Variants in GALNT13 observed in about 807,000 individuals in gnomAD.
GALNT13 encodes polypeptide N-acetylgalactosaminyltransferase 13, also known as UDP-GalNAc:polypeptide N-acetylgalactosaminyltransferase 13.
Under a neutral mutation model 64.2 loss-of-function variants are expected in GALNT13, and 28 were observed. The ratio of observed to expected loss-of-function variants is 0.44; its 90% CI spans 0.32 to 0.60. The LOEUF (loss-of-function observed/expected upper bound fraction) is 0.60. GALNT13 is among the 20% of genes least tolerant of loss of function. GALNT13 has a pLI of 0.05. For synonymous variants in GALNT13, 214 were observed against 224.6 expected (o/e 0.95, Z 0.42); for missense variants, 577 against 669.8 (o/e 0.86, Z 1.53).
chr2:154,440,208 T>G (rs1177795819), intron 12 of GALNT13, among the ~76,000 whole-genome samples: 1 of 152,104 alleles, frequency 6.6e-6, no homozygotes, highest in Non-Finnish European at 1.5e-5. Flanking sequence ...AATAAGAAAA[T>G]CTAGAATATA....
the GALNT13 span, among the ~76,000 whole-genome samples, chr2:153,121,139 A>G: frequency 6.6e-6 from 1 of 152,212 alleles, no homozygotes; most frequent in Non-Finnish European, 1.5e-5. Context: ...TAGCATTAGA[A>G]GAGTTTCATT....
intron 3 of GALNT13, among the ~76,000 whole-genome samples, chr2:154,118,963 A>G (rs1458504105): frequency 6.6e-6 from 1 of 152,196 alleles, no homozygotes. Context: ...TACTAGGAAT[A>G]AAATTGCATT....
chr2:153,955,145 G>T (rs972988046), intron 3 of GALNT13, among the ~76,000 whole-genome samples: 2 of 152,090 alleles, frequency 1.3e-5, no homozygotes, highest in African/African-American at 4.8e-5. Context: ...GAGTTTTGGG[G>T]TCAACCTAAC....
chr2:153,257,646 A>G, the GALNT13 span, among the ~76,000 whole-genome samples: 1 of 152,152 alleles, frequency 6.6e-6, no homozygotes, highest in Admixed American at 6.5e-5. Context: ...TTTTTGAGCT[A>G]TTGGCAGCTT....
At chr2:154,094,752 G>A (rs1191160883) in intron 3 of GALNT13, among the ~76,000 whole-genome samples, 2 of 151,674 alleles carry the variant, frequency 1.3e-5, no homozygotes, top group African/African-American at 2.4e-5. Context: ...TTGTTTAAAT[G>A]TCAACTACTC....
chr2:154,103,116 T>A (rs1702434877), intron 3 of GALNT13, among the ~76,000 whole-genome samples: 2 of 152,080 alleles, frequency 1.3e-5, no homozygotes, highest in African/African-American at 4.8e-5. Context: ...AATTTCTTTT[T>A]CTTATTATCC....
chr2:154,276,271 G>A (rs766659072), intron 8 of GALNT13, among the ~76,000 whole-genome samples: 2 of 151,732 alleles, frequency 1.3e-5, no homozygotes, highest in Non-Finnish European at 2.9e-5. Context: ...ACAGGCTGGA[G>A]TACAGTGGCA....
chr2:153,505,889 GT>G, the GALNT13 span, among the ~76,000 whole-genome samples: 1 of 152,134 alleles, frequency 6.6e-6, no homozygotes, highest in East Asian at 1.9e-4. Context: ...CTAGGATATA[GT>G]TTAAGTCCAT....
chr2:153,234,133 A>G, the GALNT13 span, among the ~76,000 whole-genome samples: 3 of 152,162 alleles, frequency 2.0e-5, no homozygotes, highest in African/African-American at 7.2e-5. Flanking sequence ...TCATTGATTA[A>G]ATTGCCTTCT....
chr2:154,263,871 C>A (rs1252967044), intron 8 of GALNT13, among the ~76,000 whole-genome samples: 1 of 152,098 alleles, frequency 6.6e-6, no homozygotes, highest in East Asian at 1.9e-4. Context: ...GACAAAAATA[C>A]ATGAAATAAC....
the GALNT13 span, among the ~76,000 whole-genome samples, chr2:153,712,238 G>A: frequency 6.6e-6 from 1 of 152,102 alleles, no homozygotes; most frequent in Non-Finnish European, 1.5e-5. Flanking sequence ...TTATTTCAAT[G>A]TGACAGTTAT....
At chr2:154,379,259 A>C (rs1327351075) in intron 9 of GALNT13, among the ~76,000 whole-genome samples, 3 of 152,260 alleles carry the variant, frequency 2.0e-5, no homozygotes, top group Non-Finnish European at 4.4e-5. Context: ...ATATGTCTTA[A>C]TAAAATAAAC....
chr2:154,325,366 T>C (rs1694824765), intron 9 of GALNT13, among the ~76,000 whole-genome samples: 1 of 152,028 alleles, frequency 6.6e-6, no homozygotes, highest in Non-Finnish European at 1.5e-5. Flanking sequence ...CTCCACCACT[T>C]CCACATTAAA....
At chr2:154,415,285 C>T (rs1026945320) in intron 11 of GALNT13, among the ~76,000 whole-genome samples, 10 of 152,020 alleles carry the variant, frequency 6.6e-5, no homozygotes, top group Non-Finnish European at 2.9e-5. Flanking sequence ...AATAGCAGCA[C>T]ATCTTTAATT....
At chr2:154,420,860 C>G (rs1199857923) in intron 11 of GALNT13, among the ~76,000 whole-genome samples, 3 of 152,134 alleles carry the variant, frequency 2.0e-5, no homozygotes, top group East Asian at 1.9e-4. Flanking sequence ...CTTTTATATT[C>G]TTGAGAAGCC....
chr2:153,579,908 T>C, the GALNT13 span, among the ~76,000 whole-genome samples: 1 of 152,126 alleles, frequency 6.6e-6, no homozygotes, highest in East Asian at 1.9e-4. Flanking sequence ...TGTGGAAAAA[T>C]TGTCTTCTAC....
rs1367956964 is a variant in GALNT13 at position 153,992,059 on chromosome 2, TA to T, written c.142+47423del. Among the ~76,000 whole-genome samples the T allele has an allele frequency of 2.6e-5, 4 of 152,294 alleles. No homozygotes were observed. The South Asian group carries it at 8.3e-4, about 32-fold the overall frequency. On this transcript the variant is annotated intron_variant, in intron 3 of 12. Transcript: ENST00000392825. ...AATTGTTACCCTTTTAAAGGGGAAATAAACCTTTCAGGGAAATAATAATATC... is the reference window on the plus strand; with the variant it reads ...AATTGTTACCCTTTTAAAGGGGAAATAACCTTTCAGGGAAATAATAATATC...
chr2:154,299,055 A>C (rs1693264592), intron 8 of GALNT13, among the ~76,000 whole-genome samples: 1 of 147,304 alleles, frequency 6.8e-6, no homozygotes, highest in Admixed American at 6.8e-5. Context: ...AAAATATAAA[A>C]TGTAGATAAA....
chr2:154,375,813 A>G (rs1697959475), intron 9 of GALNT13, among the ~76,000 whole-genome samples: 1 of 152,212 alleles, frequency 6.6e-6, no homozygotes. Flanking sequence ...CTTTTGAAGC[A>G]GCTTTAAGTT....
Sources: gnomAD v4.1 joint callset for allele counts (sites outside exome capture counted in the v4.1 genomes callset) on GRCh38, gnomAD v4.1.1 for gene constraint, MANE v1.5 for transcripts, NCBI Gene and HGNC (gene_info 2026-07-23, HGNC 2026-07-21) for gene names.